The following KLHDC10 variants were observed in gnomAD, a reference collection of about 807,000 sequenced individuals.
KLHDC10 encodes kelch domain-containing protein 10.
KLHDC10 carries 24 observed loss-of-function variants against 56.1 expected under a neutral mutation model. The observed-to-expected ratio is 0.43, with a 90% CI of 0.31 to 0.60. The LOEUF (loss-of-function observed/expected upper bound fraction) is 0.60. Among genes scored for constraint, KLHDC10 ranks in the 20% least tolerant of loss-of-function variants. KLHDC10 has a pLI of 0.11. For missense variants in KLHDC10, 349 were observed against 567.0 expected (o/e 0.62, Z 3.91); for synonymous variants, 188 against 207.1 (o/e 0.91, Z 0.79).
At chr7:130,087,848 C>T (rs1348920998) in intron 1 of KLHDC10, among the ~76,000 whole-genome samples, 1 of 151,640 alleles carries the variant, frequency 6.6e-6, no homozygotes, top group African/African-American at 2.4e-5. Context: ...GCAACCTCCA[C>T]CTCCCGGGTT....
intron 7 of KLHDC10, among the ~76,000 whole-genome samples, chr7:130,126,836 A>G (rs1391913720): frequency 6.7e-6 from 1 of 150,212 alleles, no homozygotes. Flanking sequence ...ATAAAGATCT[A>G]CCGGCTGGGT....
At chr7:130,096,861 T>C in intron 1 of KLHDC10, 60 bp from the exon 2 acceptor site, 1 of 1,147,638 alleles carries the variant, frequency 8.7e-7, no homozygotes, top group Non-Finnish European at 1.3e-6. Flanking sequence ...CTACAGTAAC[T>C]ATGTATTATT....
intron 2 of KLHDC10, among the ~76,000 whole-genome samples, chr7:130,105,570 TAAAC>T (rs1188454106): frequency 1.3e-5 from 2 of 152,282 alleles, no homozygotes; most frequent in African/African-American, 2.4e-5. Context: ...TAGGCCAAAA[TAAAC>T]AGTATTGTTT....
Position 130,131,051 on chromosome 7 carries a change from A to C in KLHDC10, c.*305A>C. 4 of 247,830 alleles carry C rather than the reference A, an allele frequency of 1.6e-5. No homozygotes were observed. Among genetic ancestry groups the C allele is most frequent in the South Asian group, 9.4e-5 (1 of 10,674 alleles). 15.4% of individuals were successfully genotyped at this position (247,830 alleles called of 1,614,324 possible). On this transcript the variant is annotated 3_prime_UTR_variant, in exon 10 of 10. Transcript: ENST00000335420. Reference sequence around the variant, plus strand: ...AGTACCTTAATAATGTTATTAATCAAGACAGATTCCTTTTTAAAGGAATTC... The same window carrying C: ...AGTACCTTAATAATGTTATTAATCACGACAGATTCCTTTTTAAAGGAATTC...
In KLHDC10 at chr7:130,125,846, G is replaced by GT; in HGVS notation, c.865-17dup. 6.4e-7 allele frequency: 1 copy of GT among 1,574,374 alleles called. No individual in the cohort carries two copies. Among genetic ancestry groups the GT allele is most frequent in the Non-Finnish European group, 8.6e-7 (1 of 1,160,518 alleles). On this transcript the variant is annotated intron_variant, in intron 6 of 9. Coordinates refer to ENST00000335420, the MANE Select transcript of KLHDC10 (RefSeq NM_014997.4). ...TACAATTATTTATGTATGTGTATAT[G>GT]TTCTTTTTTTTCTCCAAGATCCATG... is the stretch of plus-strand genomic sequence containing the variant.
chr7:130,117,194 CA>C (rs1438778702), intron 3 of KLHDC10, among the ~76,000 whole-genome samples: 1 of 152,242 alleles, frequency 6.6e-6, no homozygotes, highest in African/African-American at 2.4e-5. Context: ...AAAGTGCTAA[CA>C]ACCATCTGAG....
intron 1 of KLHDC10, among the ~76,000 whole-genome samples, chr7:130,076,912 A>G (rs189340022): frequency 1.3e-5 from 2 of 152,120 alleles, no homozygotes; most frequent in Admixed American, 1.3e-4. Flanking sequence ...ATTTTTCTAT[A>G]TGGCTTAGAA....
chr7:130,098,942 T>C (rs1345162093), intron 2 of KLHDC10, among the ~76,000 whole-genome samples: 1 of 152,182 alleles, frequency 6.6e-6, no homozygotes, highest in African/African-American at 2.4e-5. Flanking sequence ...CAATCAGTGG[T>C]TGAGAAAGGT....
At chr7:130,117,056 G>A (rs1373584693) in intron 3 of KLHDC10, among the ~76,000 whole-genome samples, 2 of 152,150 alleles carry the variant, frequency 1.3e-5, no homozygotes, top group Non-Finnish European at 2.9e-5. Context: ...AATAAAGCAA[G>A]TCACACAACA....
At chr7:130,118,665 C>G (rs1329001769) in intron 3 of KLHDC10, among the ~76,000 whole-genome samples, 3 of 152,190 alleles carry the variant, frequency 2.0e-5, no homozygotes, top group Admixed American at 2.0e-4. Context: ...TTAGTCAATT[C>G]TAGCTTTTGA....
intron 2 of KLHDC10, among the ~76,000 whole-genome samples, chr7:130,097,511 C>T (rs1193610542): frequency 6.6e-6 from 1 of 151,368 alleles, no homozygotes; most frequent in African/African-American, 2.4e-5. Flanking sequence ...AAACAAATGC[C>T]CACTAGAAAA....
intron 1 of KLHDC10, among the ~76,000 whole-genome samples, chr7:130,076,317 G>A (rs954762590): frequency 2.6e-5 from 4 of 152,020 alleles, no homozygotes; most frequent in African/African-American, 4.8e-5. Flanking sequence ...TGGGGCTTGC[G>A]GACCCCTGGT....
At chr7:130,112,544 G>A (rs556055753) in intron 2 of KLHDC10, among the ~76,000 whole-genome samples, 25 of 152,126 alleles carry the variant, frequency 1.6e-4, no homozygotes, top group Non-Finnish European at 3.4e-4. Flanking sequence ...GAGAAGTTGG[G>A]GGAGGATTTA....
chr7:130,127,488 T>C, intron 8 of KLHDC10, 37 bp downstream of exon 8: 2 of 1,399,590 alleles, frequency 1.4e-6, no homozygotes, highest in Non-Finnish European at 2.0e-6. Flanking sequence ...TCCATTTCTG[T>C]AATTGTATCT....
rs1796248229 is a variant in KLHDC10 at position 130,121,558 on chromosome 7, A to C, written c.631-496A>C. ...TACTGGATAACTTTGTTGCTTCCAC[A>C]GGAGGCATTTAAACTTAAGAAGTGG... On this transcript the variant is annotated intron_variant, in intron 4 of 9. Transcript: ENST00000335420. Among the ~76,000 whole-genome samples, 6 of 152,228 alleles carry C rather than the reference A, an allele frequency of 3.9e-5. No individual in the cohort carries two copies. The South Asian group carries it at 1.2e-3, about 32-fold the overall frequency.
At chr7:130,119,537 TAA>T (rs11317882) in intron 3 of KLHDC10, among the ~76,000 whole-genome samples, 9,715 of 100,430 alleles carry the variant, frequency 0.097, 436 homozygotes, top group Middle Eastern at 0.17. Flanking sequence ...AAAAAAGAGT[TAA>T]AAAAAAAAAA....
At chr7:130,127,558 A>G (rs1796330454) in intron 8 of KLHDC10, 107 bp downstream of exon 8, 3 of 772,364 alleles carry the variant, frequency 3.9e-6, no homozygotes, top group Non-Finnish European at 6.5e-6. Flanking sequence ...ACTTTGAGAA[A>G]AGTCTATTTC....
intron 5 of KLHDC10, 77 bp from the exon 6 acceptor site, chr7:130,124,374 A>G: frequency 1.2e-6 from 1 of 818,070 alleles, no homozygotes; most frequent in South Asian, 1.5e-5. Context: ...TAATGATGTA[A>G]TAAAAAACCT....
intron 1 of KLHDC10, among the ~76,000 whole-genome samples, chr7:130,074,621 T>C (rs533353196): frequency 2.9e-4 from 41 of 142,236 alleles, no homozygotes; most frequent in East Asian, 5.9e-4. Context: ...TTCTCTCTCT[T>C]TTTTTTTTTT....
Sources: gnomAD v4.1 joint callset for allele counts (sites outside exome capture counted in the v4.1 genomes callset) on GRCh38, gnomAD v4.1.1 for gene constraint, MANE v1.5 for transcripts, NCBI Gene and HGNC (gene_info 2026-07-23, HGNC 2026-07-21) for gene names.